RB1: variants seen among roughly 807,000 people sequenced by gnomAD.
The protein encoded by RB1 is RB transcriptional corepressor 1, also known as retinoblastoma-associated protein.
A neutral mutation model predicts 135.4 loss-of-function variants in RB1; 18 were observed. The observed-to-expected ratio is 0.13, with a 90% CI of 0.09 to 0.20. RB1 has a LOEUF of 0.20. Among genes scored for constraint, RB1 ranks in the 10% least tolerant of loss-of-function variants. The probability of loss-of-function intolerance (pLI) is 1.00; values close to 1 mark genes in which losing one functional copy is unlikely to be tolerated. For missense variants in RB1, 868 were observed against 1,110.0 expected (o/e 0.78, Z 3.10); for synonymous variants, 365 against 373.2 (o/e 0.98, Z 0.25).
At chr13:48,406,442 C>T (rs768127775) in intron 17 of RB1, 2 of 151,940 alleles carry the variant, frequency 1.3e-5, no homozygotes, top group Non-Finnish European at 2.9e-5. Flanking sequence ...TAAGAAGAGC[C>T]CTTTAAATTG....
At chr13:48,329,613 T>G (rs559225269) in intron 2 of RB1, among the ~76,000 whole-genome samples, 6 of 152,214 alleles carry the variant, frequency 3.9e-5, no homozygotes, top group African/African-American at 1.4e-4. Context: ...GACTTAATGG[T>G]TAATGATCTC....
chr13:48,384,414 G>A (rs915961458), intron 17 of RB1, among the ~76,000 whole-genome samples: 1 of 152,076 alleles, frequency 6.6e-6, no homozygotes, highest in Non-Finnish European at 1.5e-5. Context: ...GAAGGGATAT[G>A]GCATAGATAC....
At position 48,481,321 on chromosome 13, in the gene RB1, A is replaced by T. The variant is rs1339627214; in HGVS notation, c.*1250A>T. 4.3e-6 allele frequency: 1 copy of T among 232,066 alleles called. No homozygotes were observed. The highest frequency in any genetic ancestry group is 8.5e-6 in the Non-Finnish European group (1 of 117,338). The allele number at this position is 232,066 out of a possible 1,614,324, so 14.4% of individuals were successfully genotyped here. On this transcript the variant is annotated 3_prime_UTR_variant, in exon 27 of 27. Coordinates refer to ENST00000267163, the MANE Select transcript of RB1 (RefSeq NM_000321.3). ...TTGTGCAAAAGCTTCAAATTAAAAC[A>T]GCTGCATTAGAAAAAGAGGCGCTTC...
chr13:48,438,749 GAATT>G (rs1157375956), intron 17 of RB1, among the ~76,000 whole-genome samples: 1 of 152,068 alleles, frequency 6.6e-6, no homozygotes, highest in Non-Finnish European at 1.5e-5. Flanking sequence ...TTTGTTGTGA[GAATT>G]AAATAATATA....
intron 2 of RB1, among the ~76,000 whole-genome samples, chr13:48,309,406 A>G (rs1438102911): frequency 3.3e-5 from 5 of 152,226 alleles, no homozygotes. Context: ...AAAAAGGAGA[A>G]AACAAGTGTC....
At chr13:48,368,483 T>C (rs1251011737) in intron 10 of RB1, 44 bp from the exon 11 acceptor site, 3 of 1,610,464 alleles carry the variant, frequency 1.9e-6, no homozygotes, top group Non-Finnish European at 1.7e-6. Flanking sequence ...AAGCACAAAT[T>C]GTAAATTTTC....
intron 17 of RB1, among the ~76,000 whole-genome samples, chr13:48,401,605 C>A (rs1229101074): frequency 6.6e-6 from 1 of 152,298 alleles, no homozygotes; most frequent in Admixed American, 6.5e-5. Context: ...TCTGTTTCAA[C>A]ATACACATTT....
intron 21 of RB1, among the ~76,000 whole-genome samples, chr13:48,464,642 C>T (rs1484748059): frequency 6.6e-6 from 1 of 152,140 alleles, no homozygotes; most frequent in African/African-American, 2.4e-5. Flanking sequence ...GGCTTTCGCT[C>T]AGCTCTGGCC....
chr13:48,349,485 T>G (rs1435248448), intron 6 of RB1, among the ~76,000 whole-genome samples: 1 of 151,906 alleles, frequency 6.6e-6, no homozygotes, highest in African/African-American at 2.4e-5. Flanking sequence ...TAATGGGTTA[T>G]AAGATAGTAT....
At chr13:48,369,127 TC>T (rs1357576163) in intron 11 of RB1, among the ~76,000 whole-genome samples, 1 of 152,214 alleles carries the variant, frequency 6.6e-6, no homozygotes, top group African/African-American at 2.4e-5. Context: ...AGGAATGTGT[TC>T]CATTTCAGTA....
chr13:48,380,199 T>C lies in RB1; in HGVS notation c.1456T>C (p.Leu486=), dbSNP rs2138142937. The part of the protein sequence containing the change: ...LLNDNIFHMS[L]LACALEVVMA... ...GAATGACAACATTTTTCATATGTCTTTATTGGCGTGCGCTCTTGAGGTTGT... is the reference window on the plus strand; with the variant it reads ...GAATGACAACATTTTTCATATGTCTCTATTGGCGTGCGCTCTTGAGGTTGT... Residue 486 remains leucine (L), a synonymous_variant, in exon 16 of 27, where the codon TTA becomes CTA. Coordinates refer to ENST00000267163, the MANE Select transcript of RB1 (RefSeq NM_000321.3). The C allele has an allele frequency of 1.2e-6, 2 of 1,606,068 alleles. No homozygotes were observed. Among genetic ancestry groups the C allele is most frequent in the South Asian group, 1.1e-5 (1 of 89,728 alleles).
chr13:48,318,443 T>C, intron 2 of RB1: 2 of 1,443,386 alleles, frequency 1.4e-6, no homozygotes, highest in Middle Eastern at 2.5e-4. Context: ...TGCTCTTGTC[T>C]TCGGAGCTCT....
Position 48,443,765 on chromosome 13 carries a change from C to T in RB1, c.1696-9228C>T, listed in dbSNP as rs151205904. On this transcript the variant is annotated intron_variant, in intron 17 of 26. Coordinates refer to ENST00000267163, the MANE Select transcript of RB1 (RefSeq NM_000321.3). ...TTAAATTTTCCATCTTAGGCACCTC[C>T]GTTGCTTTTAGACCTGGCTATGTTT... Among the ~76,000 whole-genome samples, 395 of 152,218 alleles carry T rather than the reference C, an allele frequency of 2.6e-3. 3 individuals are homozygous for T. The highest frequency in any genetic ancestry group is 8.8e-3 in the African/African-American group (367 of 41,522).
At chr13:48,364,770 T>A (rs1286666421) in intron 8 of RB1, 124 bp from the exon 9 acceptor site, 2 of 1,129,592 alleles carry the variant, frequency 1.8e-6, no homozygotes, top group African/African-American at 1.6e-5. Flanking sequence ...ATAAAAAAGT[T>A]ATACACAGAT....
At chr13:48,339,641 C>T (rs561404670) in intron 2 of RB1, among the ~76,000 whole-genome samples, 1 of 152,292 alleles carries the variant, frequency 6.6e-6, no homozygotes, top group Admixed American at 6.5e-5. Context: ...GATGCCTCGC[C>T]CTGCTTTGGC....
rs1043398199 is a variant in RB1 at position 48,385,302 on chromosome 13, A to G, written c.1695+3859A>G. Among the ~76,000 whole-genome samples, 5 of 152,146 alleles carry G rather than the reference A, an allele frequency of 3.3e-5. No individual in the cohort carries two copies. In the East Asian group the frequency reaches 7.7e-4, roughly 23 times the overall value. Reference sequence around the variant, plus strand: ...CTGTGGAGGACATATTCATCTGGTAATGTTGGAAGAAGACCCTACCATATG... The same window carrying G: ...CTGTGGAGGACATATTCATCTGGTAGTGTTGGAAGAAGACCCTACCATATG... On this transcript the variant is annotated intron_variant, in intron 17 of 26. Transcript: ENST00000267163.
At chr13:48,464,779 T>C (rs1053625768) in intron 21 of RB1, among the ~76,000 whole-genome samples, 6 of 152,180 alleles carry the variant, frequency 3.9e-5, no homozygotes, top group Admixed American at 6.5e-5. Context: ...CTCTCAATCA[T>C]TCTGTGACAT....
intron 17 of RB1, among the ~76,000 whole-genome samples, chr13:48,389,275 C>T (rs1371527156): frequency 6.6e-6 from 1 of 151,816 alleles, no homozygotes; most frequent in Admixed American, 6.6e-5. Context: ...CAGATAGGAG[C>T]TGAAAAGTTT....
At chr13:48,438,259 G>A (rs1169942264) in intron 17 of RB1, among the ~76,000 whole-genome samples, 1 of 152,120 alleles carries the variant, frequency 6.6e-6, no homozygotes, top group African/African-American at 2.4e-5. Context: ...TAACTTAGTT[G>A]TCAAAACAGC....
Sources: gnomAD v4.1 joint callset for allele counts (sites outside exome capture counted in the v4.1 genomes callset) on GRCh38, gnomAD v4.1.1 for gene constraint, MANE v1.5 for transcripts, NCBI Gene and HGNC (gene_info 2026-07-23, HGNC 2026-07-21) for gene names.